The following RAF1 variants were observed in gnomAD, a reference collection of about 807,000 sequenced individuals.
RAF1 encodes Raf-1 proto-oncogene, serine/threonine kinase.
In RAF1, 27 loss-of-function variants were observed where a neutral mutation model predicts 81.1. The ratio of observed to expected loss-of-function variants is 0.33; its 90% CI spans 0.25 to 0.46. RAF1 has a LOEUF of 0.46. Ranked by LOEUF, RAF1 falls within the 20% of genes least tolerant of loss-of-function variation. RAF1 has a pLI of 1.00. For synonymous variants in RAF1, 298 were observed against 294.0 expected, an observed-to-expected ratio of 1.01 and a Z score of -0.14; for missense variants, 598 against 826.0, an observed-to-expected ratio of 0.72 and a Z score of 3.38.
chr3:12,584,839 A>C lies in RAF1; in HGVS notation c.1863+8T>G. ...CTTTAATCACATTCTAGCAGCCCTG[A>C]GCCTTACCTGGGGAAAAAGAGGCCT... On this transcript the variant is annotated splice_region_variant and intron_variant, in intron 17 of 17. Transcript: ENST00000442415. The C allele has an allele frequency of 6.2e-7, 1 of 1,614,026 alleles. No homozygotes were observed. Among genetic ancestry groups the C allele is most frequent in the Non-Finnish European group, 8.5e-7 (1 of 1,179,930 alleles).
intron 1 of RAF1, among the ~76,000 whole-genome samples, chr3:12,620,858 A>C (rs1241114652): frequency 6.6e-6 from 1 of 152,126 alleles, no homozygotes; most frequent in Non-Finnish European, 1.5e-5. Flanking sequence ...TTATCTGTTT[A>C]AATTTAAAGT....
intron 1 of RAF1, among the ~76,000 whole-genome samples, chr3:12,657,015 A>G (rs906752558): frequency 6.6e-6 from 1 of 151,616 alleles, no homozygotes; most frequent in Non-Finnish European, 1.5e-5. Context: ...AAAAAAAAAA[A>G]GAGGAATAGA....
intron 3 of RAF1, among the ~76,000 whole-genome samples, chr3:12,609,702 A>C (rs2059150959): frequency 6.6e-6 from 1 of 152,196 alleles, no homozygotes; most frequent in South Asian, 2.1e-4. Flanking sequence ...GCTGGTCTTG[A>C]ATCCCTGGCC....
At chr3:12,613,056 A>T (rs1357559409) in intron 2 of RAF1, among the ~76,000 whole-genome samples, 2 of 152,160 alleles carry the variant, frequency 1.3e-5, no homozygotes, top group African/African-American at 4.8e-5. Flanking sequence ...TAGTTTAAAT[A>T]TATGTGCACA....
rs573679670 is a variant in RAF1, at chr3:12,619,338, C to T, written c.-26-591G>A. ...CAGCACTTTGGGAGGCCGAGGCCAG[C>T]GCATCACTTGAGGCCAGGAGTTCAA... On this transcript the variant is annotated intron_variant, in intron 1 of 17. Transcript: ENST00000442415. Among the ~76,000 whole-genome samples the T allele has an allele frequency of 9.2e-5, 14 of 152,086 alleles. No individual in the cohort carries two copies. In the East Asian group the frequency reaches 1.4e-3, roughly 15 times the overall value.
chr3:12,610,470 C>G (rs1276841590), intron 3 of RAF1, among the ~76,000 whole-genome samples: 1 of 152,174 alleles, frequency 6.6e-6, no homozygotes, highest in Non-Finnish European at 1.5e-5. Context: ...CAGAGTAGCT[C>G]CAAACCAGTG....
rs554867660 is a variant in RAF1 at position 12,635,791 on chromosome 3, G to A, written c.-26-17044C>T. On this transcript the variant is annotated intron_variant, in intron 1 of 17. Coordinates refer to ENST00000442415, the MANE Select transcript of RAF1 (RefSeq NM_001354689.3). ...GATTGAGACCATCCTGGCTAACACGGTGAAACCCCATCTCTACTAAAAATA... is the reference window on the plus strand; with the variant it reads ...GATTGAGACCATCCTGGCTAACACGATGAAACCCCATCTCTACTAAAAATA... Among the ~76,000 whole-genome samples the A allele has an allele frequency of 5.9e-5, 9 of 151,414 alleles. No homozygotes were observed. In the South Asian group the frequency reaches 1.9e-3, roughly 32 times the overall value.
chr3:12,612,008 C>A lies in RAF1; in HGVS notation c.262G>T (p.Val88Leu), dbSNP rs1559438429. 2 of 1,614,044 alleles carry A rather than the reference C, an allele frequency of 1.2e-6. No homozygotes were observed. Among genetic ancestry groups the A allele is most frequent in the Admixed American group, 1.7e-5 (1 of 59,998 alleles). Residue 88 changes from valine to leucine, a missense_variant, in exon 3 of 18, where the codon GTG becomes TTG. Coordinates refer to ENST00000442415, the MANE Select transcript of RAF1 (RefSeq NM_001354689.3). ...CAGCACTCTGGTTGCAGGCCCCTCA[C>A]CTTGAGTGCTTTCATAAGGCAGTCA...
chr3:12,614,517 T>A (rs4234512), intron 2 of RAF1, among the ~76,000 whole-genome samples: 22 of 151,766 alleles, frequency 1.4e-4, no homozygotes, highest in Non-Finnish European at 1.5e-4. Context: ...ATGTACCCTT[T>A]ACCACCCCAG....
At chr3:12,630,709 G>T (rs1476233673) in intron 1 of RAF1, among the ~76,000 whole-genome samples, 3 of 152,210 alleles carry the variant, frequency 2.0e-5, no homozygotes, top group Non-Finnish European at 4.4e-5. Flanking sequence ...ATAATGCCTT[G>T]TAGGTTATTA....
At chr3:12,651,616 T>C (rs186961111) in intron 1 of RAF1, among the ~76,000 whole-genome samples, 2 of 149,782 alleles carry the variant, frequency 1.3e-5, no homozygotes, top group Non-Finnish European at 3.0e-5. Context: ...ATCGCACCAC[T>C]GCACCCTAGC....
chr3:12,633,750 AT>A (rs1249582274), intron 1 of RAF1, among the ~76,000 whole-genome samples: 1 of 151,842 alleles, frequency 6.6e-6, no homozygotes, highest in East Asian at 1.9e-4. Context: ...CCTGGCCAAC[AT>A]GGTGAAACCC....
intron 13 of RAF1, chr3:12,589,566 C>T (rs959750957): frequency 6.6e-6 from 1 of 152,128 alleles, no homozygotes. Flanking sequence ...CAGTTTGAGA[C>T]CAGCCTGGGC....
chr3:12,658,068 T>C (rs867403004), intron 1 of RAF1, among the ~76,000 whole-genome samples: 1 of 152,208 alleles, frequency 6.6e-6, no homozygotes, highest in African/African-American at 2.4e-5. Context: ...TATACACCAG[T>C]ACATCCTTTC....
chr3:12,662,897 G>A lies in RAF1; in HGVS notation c.-27+916C>T, dbSNP rs577064465. Among the ~76,000 whole-genome samples, 60 of 152,104 alleles carry A rather than the reference G, an allele frequency of 3.9e-4. 1 individual carries two copies. Among genetic ancestry groups the A allele is most frequent in the African/African-American group, 1.4e-3 (60 of 41,486 alleles). On this transcript the variant is annotated intron_variant, in intron 1 of 17. Coordinates refer to ENST00000442415, the MANE Select transcript of RAF1 (RefSeq NM_001354689.3). Reference sequence around the variant, plus strand: ...AGGGAGGGCAGAGTCTCTCCACTCAGCCCACAGAGGACCAGGCAAGCAGAA... The same window carrying A: ...AGGGAGGGCAGAGTCTCTCCACTCAACCCACAGAGGACCAGGCAAGCAGAA...
At chr3:12,644,455 T>C (rs1452920285) in intron 1 of RAF1, among the ~76,000 whole-genome samples, 1 of 152,196 alleles carries the variant, frequency 6.6e-6, no homozygotes, top group Non-Finnish European at 1.5e-5. Flanking sequence ...TTATCACAAT[T>C]CTGACTAATG....
In RAF1 at chr3:12,611,378, T is replaced by C. The variant is rs2059201556; in HGVS notation, c.320+572A>G. ...GACTACAGGGCCGCACCACCATGCCTGGCTAATTTTTAAAAATCTTTTGTA... is the reference window on the plus strand; with the variant it reads ...GACTACAGGGCCGCACCACCATGCCCGGCTAATTTTTAAAAATCTTTTGTA... On this transcript the variant is annotated intron_variant, in intron 3 of 17. Coordinates refer to ENST00000442415, the MANE Select transcript of RAF1 (RefSeq NM_001354689.3). Among the ~76,000 whole-genome samples the C allele has an allele frequency of 3.3e-5, 5 of 152,192 alleles. No individual in the cohort carries two copies. The South Asian group carries it at 1.0e-3, about 32-fold the overall frequency.
intron 12 of RAF1, among the ~76,000 whole-genome samples, chr3:12,591,402 G>A (rs887518175): frequency 5.3e-5 from 8 of 152,146 alleles, no homozygotes; most frequent in Non-Finnish European, 1.0e-4. Context: ...GGAAATAAAG[G>A]TAAAAATAGG....
At chr3:12,608,566 T>C in intron 5 of RAF1, 200 bp downstream of exon 5, 1 of 626,984 alleles carries the variant, frequency 1.6e-6, no homozygotes. Flanking sequence ...GTCCTACTCC[T>C]ACCTGCTCAT....
Sources: allele counts gnomAD v4.1 joint callset (sites outside exome capture counted in the v4.1 genomes callset), GRCh38; gene constraint gnomAD v4.1.1; transcripts MANE v1.5; gene names NCBI Gene and HGNC (gene_info 2026-07-23, HGNC 2026-07-21).